CTNNA3: variants seen among roughly 807,000 people sequenced by gnomAD.
CTNNA3 encodes the protein catenin alpha 3, also known as catenin alpha-3.
Under a neutral mutation model 95.7 loss-of-function variants are expected in CTNNA3, and 76 were observed. The observed-to-expected ratio is 0.79, with a 90% CI of 0.66 to 0.96. The LOEUF (loss-of-function observed/expected upper bound fraction) is 0.96, where lower values mean the gene tolerates loss of function less well. Among genes scored for constraint, CTNNA3 ranks in the 40% least tolerant of loss-of-function variants. The pLI, the probability that CTNNA3 is intolerant of heterozygous loss-of-function variation, is 0.00. For missense variants in CTNNA3, 1,191 were observed against 1,089.8 expected (o/e 1.09, Z -1.31); for synonymous variants, 431 against 374.4 (o/e 1.15, Z -1.74).
chr10:67,534,119 C>T (rs958202844), intron 4 of CTNNA3, among the ~76,000 whole-genome samples: 1 of 151,368 alleles, frequency 6.6e-6, no homozygotes, highest in Admixed American at 6.6e-5. Flanking sequence ...GAAAGGCAGG[C>T]CTTGGCCCAT....
chr10:66,061,260 G>T (rs924197835), intron 15 of CTNNA3, among the ~76,000 whole-genome samples: 2 of 152,124 alleles, frequency 1.3e-5, no homozygotes, highest in Admixed American at 6.6e-5. Context: ...AGTAGAACTT[G>T]CTCCACATCT....
chr10:66,187,651 T>A (rs1027450208), intron 13 of CTNNA3, among the ~76,000 whole-genome samples: 1 of 151,886 alleles, frequency 6.6e-6, no homozygotes, highest in African/African-American at 2.4e-5. Context: ...TCTCTATCAA[T>A]TTTTTAGCTA....
At chr10:67,644,613 T>C (rs1016933144) in intron 2 of CTNNA3, among the ~76,000 whole-genome samples, 1 of 152,032 alleles carries the variant, frequency 6.6e-6, no homozygotes, top group Non-Finnish European at 1.5e-5. Context: ...TCAGTTATTT[T>C]AAAATATAAC....
intron 15 of CTNNA3, among the ~76,000 whole-genome samples, chr10:66,067,373 T>C (rs1051178462): frequency 6.6e-6 from 1 of 152,142 alleles, no homozygotes; most frequent in Non-Finnish European, 1.5e-5. Flanking sequence ...CAGACAGGCC[T>C]TGCTGGGTAC....
At position 67,168,240 on chromosome 10, in the gene CTNNA3, T is replaced by A. The variant is rs571425308; in HGVS notation, c.1047+12077A>T. ...CTGGTACCATTCCTACAGAGACTAT[T>A]CCTTAAAATTCAGGAGGAGGAACTT... On this transcript the variant is annotated intron_variant, in intron 7 of 17. Coordinates refer to ENST00000433211, the MANE Select transcript of CTNNA3 (RefSeq NM_013266.4). Among the ~76,000 whole-genome samples, 82 of 152,236 alleles carry A rather than the reference T, an allele frequency of 5.4e-4. 1 individual carries two copies. Among genetic ancestry groups the A allele is most frequent in the African/African-American group, 1.9e-3 (80 of 41,536 alleles).
intron 1 of CTNNA3, among the ~76,000 whole-genome samples, chr10:67,670,670 A>G (rs1840413126): frequency 6.6e-6 from 1 of 152,192 alleles, no homozygotes; most frequent in African/African-American, 2.4e-5. Flanking sequence ...GGGTGCACAG[A>G]ATTAGACTGA....
chr10:67,567,326 A>G (rs1009530736), intron 3 of CTNNA3, among the ~76,000 whole-genome samples: 4 of 152,070 alleles, frequency 2.6e-5, no homozygotes, highest in Non-Finnish European at 5.9e-5. Context: ...ATCATAAGTG[A>G]AACAAGCCAG....
intron 3 of CTNNA3, among the ~76,000 whole-genome samples, chr10:67,566,109 A>T (rs1398870644): frequency 8.8e-6 from 1 of 113,920 alleles, no homozygotes. Context: ...ACATAGGCAT[A>T]GGCAAGGACT....
At chr10:66,956,618 A>C (rs1255247571) in intron 7 of CTNNA3, among the ~76,000 whole-genome samples, 1 of 152,204 alleles carries the variant, frequency 6.6e-6, no homozygotes, top group Non-Finnish European at 1.5e-5. Context: ...AAAAGGCATA[A>C]TGCTGTCATT....
At chr10:67,680,510 C>G (rs1488578678) in intron 1 of CTNNA3, among the ~76,000 whole-genome samples, 2 of 152,062 alleles carry the variant, frequency 1.3e-5, no homozygotes, top group Non-Finnish European at 2.9e-5. Context: ...AGTGTCCAGC[C>G]CAAAAGCACC....
intron 9 of CTNNA3, among the ~76,000 whole-genome samples, chr10:66,647,176 C>A (rs887577508): frequency 6.6e-6 from 1 of 152,014 alleles, no homozygotes; most frequent in Non-Finnish European, 1.5e-5. Flanking sequence ...ATTGTAAAAC[C>A]AAAAATTAAC....
At chr10:66,089,225 T>C (rs2081116521) in intron 14 of CTNNA3, among the ~76,000 whole-genome samples, 1 of 151,906 alleles carries the variant, frequency 6.6e-6, no homozygotes, top group Non-Finnish European at 1.5e-5. Context: ...TTGTTGTTTA[T>C]GTTGCTGGAA....
intron 7 of CTNNA3, among the ~76,000 whole-genome samples, chr10:67,028,604 A>G (rs10822964): frequency 0.9 from 136,335 of 150,968 alleles, 61,987 homozygotes; most frequent in South Asian, 0.97. Flanking sequence ...TTTCCAGGCC[A>G]AGAAGGAAGT....
chr10:67,683,793 G>A (rs752540998), intron 1 of CTNNA3, among the ~76,000 whole-genome samples: 1 of 152,014 alleles, frequency 6.6e-6, no homozygotes, highest in Non-Finnish European at 1.5e-5. Context: ...CTTCCGGTGG[G>A]TTCACGGTCT....
At chr10:66,305,184 A>G (rs974212509) in intron 12 of CTNNA3, among the ~76,000 whole-genome samples, 2 of 152,108 alleles carry the variant, frequency 1.3e-5, no homozygotes, top group East Asian at 3.9e-4. Flanking sequence ...TAATCTTTCC[A>G]ACTTAGAATG....
chr10:66,903,019 C>A (rs140577587), intron 7 of CTNNA3, among the ~76,000 whole-genome samples: 1 of 152,074 alleles, frequency 6.6e-6, no homozygotes, highest in Admixed American at 6.6e-5. Flanking sequence ...CCTCCCTAAC[C>A]CATTTTATGA....
chr10:66,153,006 C>G (rs1036792178), intron 13 of CTNNA3, among the ~76,000 whole-genome samples: 8 of 151,996 alleles, frequency 5.3e-5, no homozygotes, highest in South Asian at 2.1e-4. Context: ...AACTTGGGCT[C>G]TGTTGATATC....
chr10:66,046,683 G>A (rs1248768738), intron 15 of CTNNA3, among the ~76,000 whole-genome samples: 1 of 151,770 alleles, frequency 6.6e-6, no homozygotes, highest in Non-Finnish European at 1.5e-5. Flanking sequence ...ACAGGAATTG[G>A]TTTTTTGAAA....
intron 1 of CTNNA3, among the ~76,000 whole-genome samples, chr10:67,759,523 T>TG (rs936445587): frequency 5.3e-5 from 8 of 152,190 alleles, no homozygotes; most frequent in African/African-American, 1.9e-4. Flanking sequence ...AACAAGGATT[T>TG]GGGGTCTGAT....
Sources: gnomAD v4.1 joint callset for allele counts (sites outside exome capture counted in the v4.1 genomes callset) on GRCh38, gnomAD v4.1.1 for gene constraint, MANE v1.5 for transcripts, NCBI Gene and HGNC (gene_info 2026-07-23, HGNC 2026-07-21) for gene names.